Variants in UPRT observed in about 807,000 individuals in gnomAD.
UPRT encodes uracil phosphoribosyltransferase homolog.
UPRT carries 5 observed loss-of-function variants against 22.6 expected under a neutral mutation model. That is an observed-to-expected ratio of 0.22 (90% CI 0.12 to 0.47). The LOEUF is 0.47. Ranked by LOEUF, UPRT falls within the 20% of genes least tolerant of loss-of-function variation. The pLI is 0.99. For synonymous variants in UPRT, 77 were observed against 87.7 expected, an observed-to-expected ratio of 0.88 and a Z score of 0.68; for missense variants, 181 against 239.9, an observed-to-expected ratio of 0.75 and a Z score of 1.62.
At chrX:75,300,733 G>T in intron 5 of UPRT, 134 bp from the exon 6 acceptor site, 1 of 461,364 alleles carries the variant, frequency 2.2e-6, no homozygotes. Flanking sequence ...GCTGCAGTGG[G>T]CCGAGATCAT....
intron 4 of UPRT, among the ~76,000 whole-genome samples, chrX:75,243,487 G>GT (rs1229269356): frequency 9.0e-6 from 1 of 111,315 alleles, no homozygotes; most frequent in East Asian, 2.8e-4. Context: ...CAATCCTCAA[G>GT]TTTTTTGGAG....
chrX:75,266,187 G>A (rs1228120722), intron 4 of UPRT, among the ~76,000 whole-genome samples: 6 of 111,253 alleles, frequency 5.4e-5, no homozygotes, highest in Non-Finnish European at 1.1e-4. Context: ...AGACCTCAAA[G>A]TATACTACAA....
intron 4 of UPRT, among the ~76,000 whole-genome samples, chrX:75,251,350 C>G (rs1455783824): frequency 8.9e-6 from 1 of 111,762 alleles, no homozygotes; most frequent in South Asian, 3.7e-4. Context: ...AGCTGATAAG[C>G]AACTTCAGCA....
At chrX:75,225,844 G>A (rs887023979) in intron 4 of UPRT, among the ~76,000 whole-genome samples, 6 of 110,460 alleles carry the variant, frequency 5.4e-5, no homozygotes, top group Admixed American at 2.9e-4. Context: ...TAAACTATAC[G>A]CTGATTTCTC....
At chrX:75,277,212 T>G (rs899759349) in intron 1 of UPRT, among the ~76,000 whole-genome samples, 5 of 111,875 alleles carry the variant, frequency 4.5e-5, no homozygotes, top group African/African-American at 1.6e-4. Flanking sequence ...ATGTGCCTTT[T>G]TTTTTAGAGG....
At chrX:75,249,671 G>A (rs1425897047) in intron 4 of UPRT, among the ~76,000 whole-genome samples, 1 of 110,758 alleles carries the variant, frequency 9.0e-6, no homozygotes, top group Admixed American at 9.7e-5. Flanking sequence ...AGTTAACAAG[G>A]GTCTCCAGGA....
intron 4 of UPRT, among the ~76,000 whole-genome samples, chrX:75,179,121 T>A (rs1349499747): frequency 8.9e-6 from 1 of 112,094 alleles, no homozygotes; most frequent in Non-Finnish European, 1.9e-5. Context: ...AACCTTGAGC[T>A]AAACACAGGG....
chrX:75,235,727 G>A (rs777665653), intron 4 of UPRT, among the ~76,000 whole-genome samples: 15 of 111,547 alleles, frequency 1.3e-4, no homozygotes, highest in African/African-American at 4.9e-4. Flanking sequence ...TGCAGAAAAG[G>A]CCTTTGACAA....
At chrX:75,245,748 A>C (rs987364810) in intron 4 of UPRT, among the ~76,000 whole-genome samples, 1 of 111,713 alleles carries the variant, frequency 9.0e-6, no homozygotes, top group Non-Finnish European at 1.9e-5. Context: ...CACTGAGTAC[A>C]TATAGACACG....
intron 4 of UPRT, among the ~76,000 whole-genome samples, chrX:75,234,647 C>A (rs752947027): frequency 9.0e-6 from 1 of 111,406 alleles, no homozygotes; most frequent in Non-Finnish European, 1.9e-5. Flanking sequence ...CAAAACCACT[C>A]AACTACATGG....
chrX:75,214,380 G>T (rs2082387275), intron 4 of UPRT, among the ~76,000 whole-genome samples: 1 of 112,706 alleles, frequency 8.9e-6, no homozygotes, highest in Non-Finnish European at 1.9e-5. Flanking sequence ...AGGATAATAG[G>T]CTAAGTGAAA....
Position 75,299,879 on chromosome X carries a change from T to G in UPRT, c.707T>G (p.Leu236Arg), listed in dbSNP as rs200426086. The G allele has an allele frequency of 8.3e-7, 1 of 1,209,693 alleles. No individual in the cohort carries two copies. Among genetic ancestry groups the G allele is most frequent in the Non-Finnish European group, 1.1e-6 (1 of 895,071 alleles). The change falls in exon 5 of 7, where the codon CTG becomes CGG. Residue 236 changes from leucine (L) to arginine (R), a missense_variant. Physicochemically the swap from Leu to Arg is moderately radical, Grantham distance 102. Transcript: ENST00000373383. ...GACATTTACCGGAGAAAAGTCCTTC[T>G]GATGTATCCAATTCTCAGTGAGTGG... ...PPDIYRRKVLLMYPILSTGNT... is the reference protein window; with the variant it reads ...PPDIYRRKVLRMYPILSTGNT...
intron 4 of UPRT, among the ~76,000 whole-genome samples, chrX:75,170,495 T>C (rs1283228450): frequency 8.9e-6 from 1 of 112,226 alleles, no homozygotes; most frequent in Non-Finnish European, 1.9e-5. Flanking sequence ...CTCTTGAAGA[T>C]GGCAGATACT....
intron 4 of UPRT, among the ~76,000 whole-genome samples, chrX:75,224,731 A>G (rs2082418972): frequency 9.0e-6 from 1 of 111,532 alleles, no homozygotes; most frequent in South Asian, 3.7e-4. Context: ...CTCCTCCTAC[A>G]TGTTTTATTC....
At chrX:75,236,821 C>T (rs1222793410) in intron 4 of UPRT, among the ~76,000 whole-genome samples, 3 of 112,260 alleles carry the variant, frequency 2.7e-5, no homozygotes, top group Non-Finnish European at 5.6e-5. Flanking sequence ...AAGACTTAAA[C>T]GTTTGACCTA....
intron 4 of UPRT, among the ~76,000 whole-genome samples, chrX:75,206,331 G>T (rs2082366767): frequency 9.0e-6 from 1 of 111,012 alleles, no homozygotes; most frequent in Non-Finnish European, 1.9e-5. Context: ...GTGCTGCCCT[G>T]CCAGGTGCCC....
rs1281442091 is a variant in UPRT, at chrX:75,198,477, T to G, written c.-447+30598T>G. On this transcript the variant is annotated intron_variant, in intron 4 of 13. Coordinates refer to the UPRT transcript ENST00000652605. ...TTGAGGGTGGGGCAGGGAGCCAGTA[T>G]AGATAAAACAAGAATGGCAGAAGTA... is the stretch of plus-strand genomic sequence containing the variant. Among the ~76,000 whole-genome samples, 21 of 112,197 alleles carry G rather than the reference T, an allele frequency of 1.9e-4. No homozygotes were observed. The Admixed American group carries it at 2.0e-3, about 11-fold the overall frequency.
intron 4 of UPRT, among the ~76,000 whole-genome samples, chrX:75,183,317 C>T (rs1279058163): frequency 9.0e-6 from 1 of 111,321 alleles, no homozygotes; most frequent in African/African-American, 3.3e-5. Context: ...ATGATGGTTT[C>T]CAGCTTCATC....
chrX:75,180,592 G>A (rs2082265720), intron 4 of UPRT, among the ~76,000 whole-genome samples: 2 of 108,001 alleles, frequency 1.9e-5, no homozygotes, highest in African/African-American at 6.8e-5. Context: ...AAAAGTTCAT[G>A]ATATGAGTCT....
Sources: gnomAD v4.1 joint callset for allele counts (sites outside exome capture counted in the v4.1 genomes callset) on GRCh38, gnomAD v4.1.1 for gene constraint, MANE v1.5 for transcripts, NCBI Gene and HGNC (gene_info 2026-07-23, HGNC 2026-07-21) for gene names.